The following C8orf90 variants were observed in gnomAD, a reference collection of about 807,000 sequenced individuals.
The protein encoded by C8orf90 is chromosome 8 open reading frame 90.
chr8:141,518,070 C>T, the C8orf90 span: 8 of 511,196 alleles, frequency 1.6e-5, no homozygotes, highest in East Asian at 2.1e-4. Flanking sequence ...CCCTGGCCAT[C>T]CCCAGCTCTG....
the C8orf90 span, among the ~76,000 whole-genome samples, chr8:141,517,581 C>T: frequency 1.3e-5 from 2 of 152,200 alleles, no homozygotes; most frequent in South Asian, 2.1e-4. Flanking sequence ...CCTGGGGCCG[C>T]ACCTCCCTCT....
the C8orf90 span, among the ~76,000 whole-genome samples, chr8:141,517,604 C>A: frequency 1.3e-5 from 2 of 152,200 alleles, no homozygotes; most frequent in African/African-American, 2.4e-5. Flanking sequence ...ATTCCAGGGT[C>A]AGCTGTGTCC....
chr8:141,514,765 C>T, the C8orf90 span: 9 of 700,752 alleles, frequency 1.3e-5, no homozygotes, highest in South Asian at 3.0e-5. Flanking sequence ...CCACTCCAGG[C>T]GAGACACTTG....
At chr8:141,516,472 A>T in the C8orf90 span, among the ~76,000 whole-genome samples, 1 of 152,154 alleles carries the variant, frequency 6.6e-6, no homozygotes, top group Admixed American at 6.5e-5. Context: ...GACTCATTTG[A>T]TGTGATGCGC....
At chr8:141,515,862 G>A in the C8orf90 span, among the ~76,000 whole-genome samples, 1 of 152,158 alleles carries the variant, frequency 6.6e-6, no homozygotes, top group Non-Finnish European at 1.5e-5. Flanking sequence ...GGCCGGCTCC[G>A]CTGCCCTCCC....
At chr8:141,518,509 G>T in the C8orf90 span, 1 of 601,788 alleles carries the variant, frequency 1.7e-6, no homozygotes, top group Non-Finnish European at 2.9e-6. Context: ...GCCCCTGCAC[G>T]CCACGGCCCA....
At chr8:141,514,876 C>A in the C8orf90 span, 2 of 648,404 alleles carry the variant, frequency 3.1e-6, no homozygotes, top group Admixed American at 4.5e-5. Context: ...GAAGAAGATG[C>A]TCTGCCAAGG....
At chr8:141,516,983 A>G in the C8orf90 span, among the ~76,000 whole-genome samples, 1 of 152,200 alleles carries the variant, frequency 6.6e-6, no homozygotes, top group African/African-American at 2.4e-5. Flanking sequence ...GCTGTAGTCA[A>G]TGGCTCAAAC....
the C8orf90 span, chr8:141,518,415 G>A: frequency 8.9e-6 from 6 of 672,740 alleles, no homozygotes; most frequent in African/African-American, 1.9e-5. Flanking sequence ...CCGCCTGCGG[G>A]CCGCTCTTCT....
At chr8:141,518,668 G>A in the C8orf90 span, 1 of 544,610 alleles carries the variant, frequency 1.8e-6, no homozygotes, top group Non-Finnish European at 3.2e-6. Context: ...GGCACCCCCA[G>A]GCTGGCCCAG....
At chr8:141,518,703 A>G in the C8orf90 span, 1 of 516,890 alleles carries the variant, frequency 1.9e-6, no homozygotes, top group Non-Finnish European at 3.4e-6. Context: ...CCGAGAGCGA[A>G]CAGAATAAAT....
the C8orf90 span, chr8:141,518,224 G>A: frequency 1.7e-6 from 1 of 591,826 alleles, no homozygotes; most frequent in East Asian, 3.4e-5. Flanking sequence ...AGGTCCCGCG[G>A]CGCCCCCGGA....
At chr8:141,516,184 G>A in the C8orf90 span, among the ~76,000 whole-genome samples, 1 of 152,120 alleles carries the variant, frequency 6.6e-6, no homozygotes, top group Non-Finnish European at 1.5e-5. Context: ...CCTGCATCAT[G>A]ATACCGCTCT....
chr8:141,518,451 C>G, the C8orf90 span: 1 of 661,652 alleles, frequency 1.5e-6, no homozygotes. Flanking sequence ...GCGCAGACTT[C>G]GACTTCCTGC....
the C8orf90 span, chr8:141,518,629 C>A: frequency 1.9e-6 from 1 of 517,248 alleles, no homozygotes; most frequent in East Asian, 3.6e-5. Context: ...GCCGCCTTCC[C>A]GGAGCCCGAG....
At chr8:141,517,950 G>C in the C8orf90 span, among the ~76,000 whole-genome samples, 1 of 152,192 alleles carries the variant, frequency 6.6e-6, no homozygotes, top group East Asian at 1.9e-4. Flanking sequence ...TGCCCAAAGA[G>C]TACTTAGTGA....
the C8orf90 span, chr8:141,518,680 C>G: frequency 5.5e-6 from 3 of 542,126 alleles, no homozygotes; most frequent in Non-Finnish European, 9.7e-6. Context: ...CTGGCCCAGG[C>G]CCCGCCGCTG....
the C8orf90 span, among the ~76,000 whole-genome samples, chr8:141,516,702 C>G: frequency 6.6e-6 from 1 of 152,190 alleles, no homozygotes; most frequent in Non-Finnish European, 1.5e-5. Flanking sequence ...TATCTCCAGC[C>G]TCGACCCCTC....
the C8orf90 span, chr8:141,514,707 C>G: frequency 1.4e-6 from 1 of 701,898 alleles, no homozygotes; most frequent in Non-Finnish European, 2.6e-6. Flanking sequence ...ATGGCCTCCT[C>G]TTGTCCTGGG....
Sources: gnomAD v4.1 joint callset for allele counts (sites outside exome capture counted in the v4.1 genomes callset) on GRCh38, gnomAD v4.1.1 for gene constraint, MANE v1.5 for transcripts, NCBI Gene and HGNC (gene_info 2026-07-23, HGNC 2026-07-21) for gene names.